Variants in DOCK3 observed in about 807,000 individuals in gnomAD.
DOCK3 encodes the protein dedicator of cytokinesis protein 3.
Under a neutral mutation model 265.6 loss-of-function variants are expected in DOCK3, and 60 were observed. That is an observed-to-expected ratio of 0.23 (90% CI 0.18 to 0.28). The LOEUF (loss-of-function observed/expected upper bound fraction) is 0.28, where lower values mean the gene tolerates loss of function less well. Among genes scored for constraint, DOCK3 ranks in the 10% least tolerant of loss-of-function variants. The pLI is 1.00. For missense variants in DOCK3, 1,981 were observed against 2,594.3 expected, an observed-to-expected ratio of 0.76 and a Z score of 5.14; for synonymous variants, 881 against 938.0, an observed-to-expected ratio of 0.94 and a Z score of 1.11.
intron 3 of DOCK3, among the ~76,000 whole-genome samples, chr3:50,874,117 A>C (rs1316425052): frequency 8.2e-6 from 1 of 122,260 alleles, no homozygotes; most frequent in East Asian, 2.4e-4. Context: ...TGATCAGTGG[A>C]GCTTTCTATT....
At chr3:51,090,088 C>A in intron 8 of DOCK3, 142 bp from the exon 9 acceptor site, 1 of 987,816 alleles carries the variant, frequency 1.0e-6, no homozygotes, top group Non-Finnish European at 1.4e-6. Context: ...GCATCCCCTA[C>A]AAGCAGAGAA....
intron 49 of DOCK3, among the ~76,000 whole-genome samples, chr3:51,363,199 T>C (rs1340161536): frequency 6.6e-6 from 1 of 152,250 alleles, no homozygotes; most frequent in Admixed American, 6.5e-5. Flanking sequence ...TCTTGTTCAG[T>C]TGAATGAATA....
intron 3 of DOCK3, among the ~76,000 whole-genome samples, chr3:50,855,918 T>C (rs1475062455): frequency 1.3e-5 from 2 of 152,176 alleles, no homozygotes; most frequent in East Asian, 1.9e-4. Context: ...CTCCCACTTA[T>C]AAGTGAGAAC....
At chr3:50,886,897 A>G (rs1445668161) in intron 3 of DOCK3, among the ~76,000 whole-genome samples, 2 of 152,186 alleles carry the variant, frequency 1.3e-5, no homozygotes, top group African/African-American at 2.4e-5. Flanking sequence ...CTAAATGCCC[A>G]CAAGAGAAAG....
intron 21 of DOCK3, among the ~76,000 whole-genome samples, chr3:51,240,057 T>G (rs1301177077): frequency 6.6e-6 from 1 of 151,810 alleles, no homozygotes; most frequent in Non-Finnish European, 1.5e-5. Context: ...ATTGAGATCT[T>G]TCTAACTTTT....
intron 1 of DOCK3, among the ~76,000 whole-genome samples, chr3:50,676,881 G>A (rs1202739728): frequency 6.6e-6 from 1 of 152,226 alleles, no homozygotes; most frequent in Non-Finnish European, 1.5e-5. Context: ...GATTGTGAAA[G>A]TGAAATGAGA....
At chr3:51,334,694 TAGAC>T (rs1201246981) in intron 35 of DOCK3, among the ~76,000 whole-genome samples, 4 of 152,172 alleles carry the variant, frequency 2.6e-5, no homozygotes, top group African/African-American at 7.2e-5. Flanking sequence ...CAGCTGCAAT[TAGAC>T]AGGGAAGAGA....
chr3:51,205,030 G>C lies in DOCK3; in HGVS notation c.1038-3744G>C, dbSNP rs535884929. Among the ~76,000 whole-genome samples the C allele has an allele frequency of 4.6e-4, 70 of 152,212 alleles. 1 individual carries two copies. In the South Asian group the frequency reaches 0.014, roughly 30 times the overall value. ...GGGGACTGTTGTGGGGTGGGGGTAG[G>C]GGGGAGGGATAGCATTGGGAGATAT... On this transcript the variant is annotated intron_variant, in intron 12 of 52. Transcript: ENST00000266037.
At chr3:50,714,269 T>G (rs1352683731) in intron 1 of DOCK3, among the ~76,000 whole-genome samples, 1 of 152,220 alleles carries the variant, frequency 6.6e-6, no homozygotes. Flanking sequence ...TTAAAACCTT[T>G]TTATTGCATC....
At chr3:51,121,215 G>T (rs1437468819) in intron 9 of DOCK3, among the ~76,000 whole-genome samples, 1 of 152,084 alleles carries the variant, frequency 6.6e-6, no homozygotes, top group Non-Finnish European at 1.5e-5. Flanking sequence ...TCACAGCAGG[G>T]TCCCTCATGG....
chr3:50,994,243 C>G (rs962896189), intron 5 of DOCK3, among the ~76,000 whole-genome samples: 2 of 152,062 alleles, frequency 1.3e-5, no homozygotes, highest in Admixed American at 1.3e-4. Context: ...AAAGATAAGT[C>G]AAAATTATAA....
chr3:50,816,925 T>C (rs2044113702), intron 2 of DOCK3, among the ~76,000 whole-genome samples: 1 of 152,048 alleles, frequency 6.6e-6, no homozygotes, highest in Non-Finnish European at 1.5e-5. Context: ...CAAGAGAGGA[T>C]TCTTGGATCT....
intron 5 of DOCK3, among the ~76,000 whole-genome samples, chr3:50,962,659 A>G (rs2076920163): frequency 6.6e-6 from 1 of 152,218 alleles, no homozygotes; most frequent in Non-Finnish European, 1.5e-5. Flanking sequence ...TAAGGAGATA[A>G]TTAGATCCAG....
intron 22 of DOCK3, among the ~76,000 whole-genome samples, chr3:51,248,079 A>G (rs2078924247): frequency 1.3e-5 from 2 of 152,354 alleles, no homozygotes; most frequent in Non-Finnish European, 2.9e-5. Context: ...TGCTTCAGAC[A>G]CTGTTCTAAC....
At chr3:50,818,637 A>G (rs2044231761) in intron 2 of DOCK3, among the ~76,000 whole-genome samples, 1 of 152,224 alleles carries the variant, frequency 6.6e-6, no homozygotes, top group Non-Finnish European at 1.5e-5. Flanking sequence ...TGGTTACTAC[A>G]CAGATGGTCT....
In DOCK3 at chr3:51,009,251, C is replaced by G. The variant is rs563314208; in HGVS notation, c.316-55197C>G. 2.6e-5 allele frequency among the ~76,000 whole-genome samples: 4 copies of G among 152,114 alleles called. No homozygotes were observed. The South Asian group carries it at 8.3e-4, about 32-fold the overall frequency. ...GGCTGTGAACCCATCTGGTCCTGGA[C>G]TTTTTTTGGTTGGTAGTCTATTAAT... On this transcript the variant is annotated intron_variant, in intron 5 of 52. Transcript: ENST00000266037.
At chr3:51,005,013 T>C (rs1438967139) in intron 5 of DOCK3, among the ~76,000 whole-genome samples, 1 of 151,614 alleles carries the variant, frequency 6.6e-6, no homozygotes, top group Non-Finnish European at 1.5e-5. Context: ...TTGATTTATA[T>C]GTTGTACTGA....
chr3:51,191,765 C>G (rs191270173), intron 12 of DOCK3, among the ~76,000 whole-genome samples: 42 of 152,102 alleles, frequency 2.8e-4, no homozygotes, highest in Admixed American at 2.6e-3. Flanking sequence ...CGTGCTGACA[C>G]TACCTCCAAT....
intron 2 of DOCK3, among the ~76,000 whole-genome samples, chr3:50,817,069 G>A (rs1331787030): frequency 1.3e-5 from 2 of 152,162 alleles, no homozygotes; most frequent in Non-Finnish European, 2.9e-5. Flanking sequence ...CATTTTTATG[G>A]TTATTTCTTG....
Sources: gnomAD v4.1 joint callset for allele counts (sites outside exome capture counted in the v4.1 genomes callset) on GRCh38, gnomAD v4.1.1 for gene constraint, MANE v1.5 for transcripts, NCBI Gene and HGNC (gene_info 2026-07-23, HGNC 2026-07-21) for gene names.